PPFIA2: variants seen among roughly 807,000 people sequenced by gnomAD.
PPFIA2 encodes liprin-alpha-2.
PPFIA2 carries 46 observed loss-of-function variants against 175.5 expected under a neutral mutation model. The ratio of observed to expected loss-of-function variants is 0.26; its 90% confidence interval spans 0.21 to 0.34. The LOEUF is 0.34. Among genes scored for constraint, PPFIA2 ranks in the 10% least tolerant of loss-of-function variants. The pLI is 1.00. For synonymous variants in PPFIA2, 568 were observed against 511.4 expected (o/e 1.11, Z -1.49); for missense variants, 1,179 against 1,506.1 (o/e 0.78, Z 3.60).
intron 4 of PPFIA2, among the ~76,000 whole-genome samples, chr12:81,597,485 A>G (rs960214884): frequency 6.6e-6 from 1 of 152,106 alleles, no homozygotes; most frequent in Non-Finnish European, 1.5e-5. Context: ...TACACATAAG[A>G]AAATTAAATA....
intron 1 of PPFIA2, 43 bp from the exon 2 acceptor site, chr12:81,758,550 C>T (rs1186204693): frequency 2.5e-6 from 1 of 398,952 alleles, no homozygotes; most frequent in African/African-American, 2.1e-5. Context: ...CACGCGTGCC[C>T]CGGCGCCCTC....
At chr12:81,703,723 C>T (rs2076773400) in intron 3 of PPFIA2, among the ~76,000 whole-genome samples, 1 of 152,080 alleles carries the variant, frequency 6.6e-6, no homozygotes. Flanking sequence ...CTCCACCTCA[C>T]CTCACTCATG....
At chr12:81,575,634 A>C (rs922711754) in intron 4 of PPFIA2, among the ~76,000 whole-genome samples, 1 of 151,800 alleles carries the variant, frequency 6.6e-6, no homozygotes, top group South Asian at 2.1e-4. Flanking sequence ...TAAATGTATA[A>C]TTATATACTG....
At chr12:81,732,427 T>G (rs566876658) in intron 3 of PPFIA2, among the ~76,000 whole-genome samples, 1 of 151,278 alleles carries the variant, frequency 6.6e-6, no homozygotes, top group East Asian at 2.0e-4. Context: ...AGTATTCAAT[T>G]CTTCCTCTTT....
chr12:81,562,654 C>T (rs1400768322), intron 4 of PPFIA2, among the ~76,000 whole-genome samples: 5 of 150,636 alleles, frequency 3.3e-5, no homozygotes, highest in South Asian at 2.1e-4. Context: ...GAGACCATCC[C>T]GGCTAAAACG....
At chr12:81,300,482 G>A (rs904171867) in intron 22 of PPFIA2, among the ~76,000 whole-genome samples, 2 of 152,040 alleles carry the variant, frequency 1.3e-5, no homozygotes, top group Non-Finnish European at 2.9e-5. Flanking sequence ...TGAATAAAAT[G>A]CCTTTCAACA....
intron 4 of PPFIA2, among the ~76,000 whole-genome samples, chr12:81,633,152 G>T (rs1424716878): frequency 6.6e-6 from 1 of 152,060 alleles, no homozygotes; most frequent in African/African-American, 2.4e-5. Context: ...TTCAAAATCT[G>T]TGAGTGTGGC....
intron 4 of PPFIA2, among the ~76,000 whole-genome samples, chr12:81,653,095 G>A (rs1262296464): frequency 6.6e-6 from 1 of 152,010 alleles, no homozygotes; most frequent in African/African-American, 2.4e-5. Context: ...TCCTGTATTA[G>A]CCTAGCCCTT....
At chr12:81,261,535 C>T (rs561684586) in intron 32 of PPFIA2, among the ~76,000 whole-genome samples, 73 of 152,206 alleles carry the variant, frequency 4.8e-4, no homozygotes, top group Non-Finnish European at 8.4e-4. Flanking sequence ...CTATTTGACT[C>T]GGTGAACTTG....
chr12:81,566,160 C>T (rs201798629), intron 4 of PPFIA2, among the ~76,000 whole-genome samples: 1 of 152,120 alleles, frequency 6.6e-6, no homozygotes, highest in African/African-American at 2.4e-5. Context: ...TAGAATATAT[C>T]ACTCCTCCTA....
chr12:81,669,136 T>C (rs1313343262), intron 4 of PPFIA2, among the ~76,000 whole-genome samples: 3 of 151,962 alleles, frequency 2.0e-5, no homozygotes, highest in Non-Finnish European at 4.4e-5. Context: ...CTTCCAGTGG[T>C]CAACATTTAA....
At chr12:81,508,667 G>A (rs539504627) in intron 4 of PPFIA2, among the ~76,000 whole-genome samples, 111 of 150,246 alleles carry the variant, frequency 7.4e-4, no homozygotes, top group African/African-American at 2.7e-3. Context: ...ACAATGTGCA[G>A]GTTAGTTACA....
At chr12:81,494,109 A>G (rs948605079) in intron 4 of PPFIA2, among the ~76,000 whole-genome samples, 1 of 152,084 alleles carries the variant, frequency 6.6e-6, no homozygotes, top group African/African-American at 2.4e-5. Context: ...TAATTAAACT[A>G]AAGAGTTTCT....
chr12:81,657,187 CT>C (rs1267405495), intron 4 of PPFIA2, among the ~76,000 whole-genome samples: 2 of 152,148 alleles, frequency 1.3e-5, no homozygotes, highest in African/African-American at 4.8e-5. Context: ...CATAGCTCCC[CT>C]GGGAAGGTTA....
At chr12:81,327,504 A>C (rs926047594) in intron 21 of PPFIA2, among the ~76,000 whole-genome samples, 1 of 152,114 alleles carries the variant, frequency 6.6e-6, no homozygotes, top group Non-Finnish European at 1.5e-5. Flanking sequence ...CATAGTCTTC[A>C]AATAATAATA....
intron 3 of PPFIA2, among the ~76,000 whole-genome samples, chr12:81,724,405 C>T (rs2079761886): frequency 6.6e-6 from 1 of 150,682 alleles, no homozygotes; most frequent in Non-Finnish European, 1.5e-5. Context: ...GAAGTCTGTG[C>T]TTTTAGTGTA....
At chr12:81,628,580 T>G (rs1949661993) in intron 4 of PPFIA2, among the ~76,000 whole-genome samples, 1 of 152,068 alleles carries the variant, frequency 6.6e-6, no homozygotes, top group South Asian at 2.1e-4. Context: ...GGTTTCACCA[T>G]GTTGGCCAGC....
At chr12:81,733,872 T>C (rs2081243337) in intron 3 of PPFIA2, among the ~76,000 whole-genome samples, 1 of 151,764 alleles carries the variant, frequency 6.6e-6, no homozygotes, top group Non-Finnish European at 1.5e-5. Flanking sequence ...GCCATCAGGA[T>C]AAGCAACATT....
chr12:81,301,721 T>C (rs1297332763), intron 22 of PPFIA2, among the ~76,000 whole-genome samples: 7 of 152,186 alleles, frequency 4.6e-5, no homozygotes, highest in Admixed American at 4.6e-4. Context: ...AACCCAGACC[T>C]CTTTTCTGTC....
Sources: allele counts gnomAD v4.1 joint callset (sites outside exome capture counted in the v4.1 genomes callset), GRCh38; gene constraint gnomAD v4.1.1; transcripts MANE v1.5; gene names NCBI Gene and HGNC (gene_info 2026-07-23, HGNC 2026-07-21).